SAMD12: variants seen among roughly 807,000 people sequenced by gnomAD.
The protein encoded by SAMD12 is sterile alpha motif domain containing 12, also known as sterile alpha motif domain-containing protein 12.
Under a neutral mutation model 15.0 loss-of-function variants are expected in SAMD12, and 9 were observed. That is an observed-to-expected ratio of 0.60 (90% CI 0.36 to 1.05). The LOEUF (loss-of-function observed/expected upper bound fraction) is 1.05, where lower values mean the gene tolerates loss of function less well. SAMD12 is among the 50% of genes least tolerant of loss of function. SAMD12 has a pLI of 0.01. For missense variants in SAMD12, 230 were observed against 234.2 expected (o/e 0.98, Z 0.12); for synonymous variants, 86 against 90.1 (o/e 0.96, Z 0.25).
At chr8:118,536,614 T>C (rs902676888) in intron 2 of SAMD12, among the ~76,000 whole-genome samples, 10 of 152,222 alleles carry the variant, frequency 6.6e-5, no homozygotes, top group Non-Finnish European at 1.5e-4. Flanking sequence ...TAACACTCAT[T>C]GCATAAACAA....
chr8:118,165,378 C>T, the SAMD12 span, among the ~76,000 whole-genome samples: 3 of 151,746 alleles, frequency 2.0e-5, no homozygotes, highest in African/African-American at 7.3e-5. Flanking sequence ...TGCATGTCCT[C>T]TTGGGGCAAG....
At chr8:118,347,471 T>C (rs777398510) in intron 4 of SAMD12, among the ~76,000 whole-genome samples, 8 of 152,198 alleles carry the variant, frequency 5.3e-5, no homozygotes, top group Non-Finnish European at 8.8e-5. Context: ...CTATGTTAAC[T>C]GCTTTCTCCA....
At chr8:118,232,895 C>T (rs971979268) in intron 4 of SAMD12, among the ~76,000 whole-genome samples, 9 of 152,050 alleles carry the variant, frequency 5.9e-5, no homozygotes, top group South Asian at 2.1e-4. Flanking sequence ...CAGAAATGAA[C>T]GGTACCAGCC....
intron 3 of SAMD12, among the ~76,000 whole-genome samples, chr8:118,400,802 G>T (rs573354162): frequency 6.6e-6 from 1 of 152,144 alleles, no homozygotes; most frequent in Admixed American, 6.5e-5. Flanking sequence ...GACAGCCTTT[G>T]TCAAAAGAAA....
At chr8:118,344,681 G>T (rs139372529) in intron 4 of SAMD12, among the ~76,000 whole-genome samples, 136 of 152,316 alleles carry the variant, frequency 8.9e-4, no homozygotes, top group Non-Finnish European at 1.2e-4. Flanking sequence ...GTCATAGCTC[G>T]ACTAGACAGT....
chr8:118,354,556 C>A (rs1020992457), intron 4 of SAMD12, among the ~76,000 whole-genome samples: 8 of 152,164 alleles, frequency 5.3e-5, no homozygotes, highest in African/African-American at 1.7e-4. Context: ...CTATGCTCTT[C>A]AGTATGGTAG....
intron 4 of SAMD12, among the ~76,000 whole-genome samples, chr8:118,238,021 AAAAC>A (rs528933658): frequency 1.3e-4 from 20 of 152,250 alleles, no homozygotes; most frequent in Middle Eastern, 3.4e-3. Flanking sequence ...AAAACAAAAC[AAAAC>A]AAACAAACAA....
At chr8:118,592,648 CT>C (rs1827611651) in intron 1 of SAMD12, among the ~76,000 whole-genome samples, 2 of 152,126 alleles carry the variant, frequency 1.3e-5, no homozygotes, top group Admixed American at 1.3e-4. Context: ...GTAATTATTA[CT>C]TCCTTTACTG....
At chr8:118,295,652 T>TC (rs1814667132) in intron 4 of SAMD12, 1 of 151,192 alleles carries the variant, frequency 6.6e-6, no homozygotes, top group Non-Finnish European at 1.5e-5. Context: ...ACTGATTTTT[T>TC]TTTTTTTTTT....
chr8:118,248,731 C>G (rs1450647352), intron 4 of SAMD12, among the ~76,000 whole-genome samples: 1 of 151,918 alleles, frequency 6.6e-6, no homozygotes, highest in Non-Finnish European at 1.5e-5. Flanking sequence ...GACAAAAAGC[C>G]CCAGAAAGCA....
intron 2 of SAMD12, among the ~76,000 whole-genome samples, chr8:118,448,800 C>T (rs1325968172): frequency 6.6e-6 from 1 of 152,220 alleles, no homozygotes; most frequent in Non-Finnish European, 1.5e-5. Flanking sequence ...AAGGCTCTGG[C>T]ATTCACTAGC....
intron 2 of SAMD12, among the ~76,000 whole-genome samples, chr8:118,465,463 A>G (rs186199445): frequency 6.6e-6 from 1 of 152,306 alleles, no homozygotes; most frequent in Non-Finnish European, 1.5e-5. Context: ...TTAAATCAAT[A>G]AAAGGGACTT....
intron 2 of SAMD12, among the ~76,000 whole-genome samples, chr8:118,456,736 CTGG>C (rs1207280772): frequency 2.0e-5 from 3 of 152,200 alleles, no homozygotes; most frequent in Non-Finnish European, 4.4e-5. Context: ...AATATATTTA[CTGG>C]ATACTTGTTC....
chr8:118,407,491 A>C (rs1475492472), intron 3 of SAMD12, among the ~76,000 whole-genome samples: 1 of 152,238 alleles, frequency 6.6e-6, no homozygotes, highest in Non-Finnish European at 1.5e-5. Context: ...ACAATGATCA[A>C]GTAAACCCAG....
At chr8:118,188,160 A>G (rs1393593819), downstream of SAMD12, among the ~76,000 whole-genome samples, 2 of 152,098 alleles carry the variant, frequency 1.3e-5, no homozygotes. Flanking sequence ...AGACAAGCCT[A>G]CAAAAGAGAG....
chr8:118,491,956 T>G (rs886450493), intron 2 of SAMD12, among the ~76,000 whole-genome samples: 1 of 152,160 alleles, frequency 6.6e-6, no homozygotes, highest in African/African-American at 2.4e-5. Context: ...TGAAAATACT[T>G]AGTGGTAGAA....
At chr8:118,391,940 T>TAAAAA (rs869057300) in intron 3 of SAMD12, among the ~76,000 whole-genome samples, 1 of 141,224 alleles carries the variant, frequency 7.1e-6, no homozygotes, top group South Asian at 2.3e-4. Flanking sequence ...AAGTTCTGGT[T>TAAAAA]AAAAAAAAAA....
intron 4 of SAMD12, among the ~76,000 whole-genome samples, chr8:118,326,332 C>A (rs7007277): frequency 0.015 from 2,238 of 152,200 alleles, 58 homozygotes; most frequent in African/African-American, 0.043. Flanking sequence ...AGTGAAATGT[C>A]ACCTCCTAAA....
intron 1 of SAMD12, among the ~76,000 whole-genome samples, chr8:118,582,892 T>A (rs112665874): frequency 6.6e-6 from 1 of 150,796 alleles, no homozygotes; most frequent in African/African-American, 2.4e-5. Flanking sequence ...GGTAGTTTCA[T>A]CAAGCACTGT....
Sources: allele counts gnomAD v4.1 joint callset (sites outside exome capture counted in the v4.1 genomes callset), GRCh38; gene constraint gnomAD v4.1.1; transcripts MANE v1.5; gene names NCBI Gene and HGNC (gene_info 2026-07-23, HGNC 2026-07-21).